The following CADM2 variants were observed in gnomAD, a reference collection of about 807,000 sequenced individuals.
CADM2 encodes immunoglobulin superfamily member 4D.
In CADM2, 12 loss-of-function variants were observed where a neutral mutation model predicts 49.8. The observed-to-expected ratio is 0.24, with a 90% confidence interval of 0.15 to 0.39. The LOEUF (loss-of-function observed/expected upper bound fraction) is 0.39. Among genes scored for constraint, CADM2 ranks in the 10% least tolerant of loss-of-function variants. The pLI, the probability that CADM2 is intolerant of heterozygous loss-of-function variation, is 1.00. For synonymous variants in CADM2, 214 were observed against 175.4 expected (o/e 1.22, Z -1.74); for missense variants, 378 against 492.3 (o/e 0.77, Z 2.20).
chr3:85,943,255 G>T (rs377251602), intron 7 of CADM2, among the ~76,000 whole-genome samples: 1 of 136,580 alleles, frequency 7.3e-6, no homozygotes, highest in Non-Finnish European at 1.5e-5. Flanking sequence ...AGATGAGTAG[G>T]TTGCAAAAAT....
At chr3:85,234,574 C>T (rs1207465930) in intron 1 of CADM2, among the ~76,000 whole-genome samples, 1 of 152,096 alleles carries the variant, frequency 6.6e-6, no homozygotes, top group Non-Finnish European at 1.5e-5. Context: ...TAGTCTTCTG[C>T]CTTGAGAATT....
At chr3:85,324,991 A>G (rs1447978455) in intron 1 of CADM2, among the ~76,000 whole-genome samples, 1 of 152,232 alleles carries the variant, frequency 6.6e-6, no homozygotes, top group Admixed American at 6.5e-5. Context: ...ACCAGAGTCT[A>G]CAAAAAATTA....
At chr3:85,970,746 G>A (rs903166871) in intron 8 of CADM2, among the ~76,000 whole-genome samples, 2 of 151,514 alleles carry the variant, frequency 1.3e-5, no homozygotes, top group Non-Finnish European at 3.0e-5. Context: ...CCTCCAAAAT[G>A]CAGCACAGTT....
chr3:85,777,950 A>G (rs974640760), intron 2 of CADM2, among the ~76,000 whole-genome samples: 1 of 152,192 alleles, frequency 6.6e-6, no homozygotes, highest in Non-Finnish European at 1.5e-5. Context: ...TATACAAAAT[A>G]TGCATACGTA....
intron 8 of CADM2, among the ~76,000 whole-genome samples, chr3:86,060,936 C>T (rs529016725): frequency 4.0e-5 from 6 of 151,846 alleles, no homozygotes; most frequent in African/African-American, 7.2e-5. Flanking sequence ...GAGTCAAGAT[C>T]GTGCCACTGC....
chr3:85,368,256 C>A (rs943967055), intron 1 of CADM2, among the ~76,000 whole-genome samples: 3 of 151,890 alleles, frequency 2.0e-5, no homozygotes, highest in African/African-American at 7.3e-5. Context: ...CTTCACAGAC[C>A]ACTACCTTCT....
At position 85,905,417 on chromosome 3, in the gene CADM2, A is replaced by ATC. The variant is rs200912751; in HGVS notation, c.530-6955_530-6954insCT. On this transcript the variant is annotated intron_variant, in intron 5 of 9. Transcript: ENST00000383699. ...ATTAAAGACTGACAACTGTCCCCGA[A>ATC]TTATATATATTGACATGGAACGAAT... 4.3e-3 allele frequency among the ~76,000 whole-genome samples: 651 copies of ATC among 152,306 alleles called. 5 individuals carry two copies. The highest frequency in any genetic ancestry group is 0.014 in the African/African-American group (601 of 41,574).
intron 8 of CADM2, among the ~76,000 whole-genome samples, chr3:85,996,512 T>C (rs1729440661): frequency 6.6e-6 from 1 of 151,990 alleles, no homozygotes; most frequent in Non-Finnish European, 1.5e-5. Context: ...ATTCTGTAAA[T>C]CCTTCTTCAT....
chr3:84,990,960 T>A (rs1235196462), intron 1 of CADM2, among the ~76,000 whole-genome samples: 1 of 152,126 alleles, frequency 6.6e-6, no homozygotes, highest in African/African-American at 2.4e-5. Flanking sequence ...ACCTGTATAA[T>A]GGGTTACAAG....
chr3:85,477,547 A>G (rs935043535), intron 1 of CADM2, among the ~76,000 whole-genome samples: 1 of 151,854 alleles, frequency 6.6e-6, no homozygotes, highest in African/African-American at 2.4e-5. Context: ...CTGTTCTCAT[A>G]CGGCTTACAT....
intron 8 of CADM2, among the ~76,000 whole-genome samples, chr3:85,977,034 A>G (rs932672980): frequency 6.6e-6 from 1 of 151,038 alleles, no homozygotes; most frequent in Non-Finnish European, 1.5e-5. Context: ...AAATATATAG[A>G]CTGTCTTTAA....
At chr3:86,051,137 C>T (rs1362110393) in intron 8 of CADM2, among the ~76,000 whole-genome samples, 3 of 152,170 alleles carry the variant, frequency 2.0e-5, no homozygotes, top group Non-Finnish European at 2.9e-5. Flanking sequence ...TTAGAAGCAG[C>T]CAGATCAAAT....
At chr3:85,754,552 C>G (rs935117488) in intron 2 of CADM2, among the ~76,000 whole-genome samples, 2 of 152,144 alleles carry the variant, frequency 1.3e-5, no homozygotes, top group Admixed American at 1.3e-4. Context: ...TTTTCGTATG[C>G]TTTACCTACA....
At chr3:85,121,124 T>A (rs1259347394) in intron 1 of CADM2, among the ~76,000 whole-genome samples, 1 of 152,264 alleles carries the variant, frequency 6.6e-6, no homozygotes, top group East Asian at 1.9e-4. Flanking sequence ...AGAAGGAAGG[T>A]GTTCTTTTGA....
intron 8 of CADM2, among the ~76,000 whole-genome samples, chr3:85,995,130 A>T (rs1249614331): frequency 6.6e-6 from 1 of 152,044 alleles, no homozygotes; most frequent in African/African-American, 2.4e-5. Context: ...GGTCTAAGAC[A>T]TTTATGAGAA....
At chr3:85,034,336 C>A (rs922973688) in intron 1 of CADM2, among the ~76,000 whole-genome samples, 1 of 151,992 alleles carries the variant, frequency 6.6e-6, no homozygotes, top group Non-Finnish European at 1.5e-5. Flanking sequence ...TTTAGCTCCC[C>A]AAAGTATGTG....
rs577700516 is a variant in CADM2 at position 85,390,979 on chromosome 3, A to G, written c.62-335543A>G. On this transcript the variant is annotated intron_variant, in intron 1 of 9. Coordinates refer to ENST00000383699, the MANE Select transcript of CADM2 (RefSeq NM_001167675.2). ...AAAGATACTCCAGAGAGCTAAATGC[A>G]TATATTCCTAGGTGCATCTAGACAC... 7.4e-4 allele frequency among the ~76,000 whole-genome samples: 112 copies of G among 152,190 alleles called. 4 individuals are homozygous for G. The South Asian group carries it at 0.022, about 30-fold the overall frequency.
At chr3:85,865,223 C>T (rs1013493056) in intron 3 of CADM2, among the ~76,000 whole-genome samples, 19 of 152,198 alleles carry the variant, frequency 1.2e-4, no homozygotes, top group African/African-American at 4.6e-4. Flanking sequence ...CTTTCTATGC[C>T]TGCTCCTGTC....
At chr3:85,185,330 GAA>G (rs35913630) in intron 1 of CADM2, among the ~76,000 whole-genome samples, 4 of 144,956 alleles carry the variant, frequency 2.8e-5, no homozygotes, top group African/African-American at 9.9e-5. Flanking sequence ...AACAAAAAAT[GAA>G]AAAAAAAAAT....
Sources: allele counts gnomAD v4.1 joint callset (sites outside exome capture counted in the v4.1 genomes callset), GRCh38; gene constraint gnomAD v4.1.1; transcripts MANE v1.5; gene names NCBI Gene and HGNC (gene_info 2026-07-23, HGNC 2026-07-21).